The following DNER variants were observed in gnomAD, a reference collection of about 807,000 sequenced individuals.
The protein encoded by DNER is delta and Notch-like epidermal growth factor-related receptor.
A neutral mutation model predicts 78.2 loss-of-function variants in DNER; 33 were observed. That is an observed-to-expected ratio of 0.42 (90% confidence interval 0.32 to 0.56). The LOEUF is 0.56. Ranked by LOEUF, DNER falls within the 20% of genes least tolerant of loss-of-function variation. The pLI is 0.11. For missense variants in DNER, 918 were observed against 975.3 expected (o/e 0.94, Z 0.78); for synonymous variants, 417 against 384.8 (o/e 1.08, Z -0.98).
intron 4 of DNER, among the ~76,000 whole-genome samples, chr2:229,573,366 T>G (rs1182541216): frequency 2.0e-5 from 3 of 152,168 alleles, no homozygotes; most frequent in African/African-American, 4.8e-5. Flanking sequence ...TCCCAATTAT[T>G]TATATTCTTC....
At chr2:229,651,264 A>T (rs1051119232) in intron 1 of DNER, among the ~76,000 whole-genome samples, 1 of 152,218 alleles carries the variant, frequency 6.6e-6, no homozygotes, top group Non-Finnish European at 1.5e-5. Context: ...TTCTTGCTTC[A>T]ATTAATGAGA....
At chr2:229,503,286 C>T (rs1166261855) in intron 6 of DNER, among the ~76,000 whole-genome samples, 3 of 151,848 alleles carry the variant, frequency 2.0e-5, no homozygotes, top group African/African-American at 7.3e-5. Flanking sequence ...GCCTATGTAA[C>T]CTTACCCTAC....
chr2:229,705,282 A>G (rs1434362220), intron 1 of DNER, among the ~76,000 whole-genome samples: 1 of 152,234 alleles, frequency 6.6e-6, no homozygotes, highest in Non-Finnish European at 1.5e-5. Context: ...AGGACCAGAT[A>G]AGTACCAGTG....
intron 8 of DNER, among the ~76,000 whole-genome samples, 156 bp from the exon 9 acceptor site, chr2:229,418,386 G>C (rs1405492832): frequency 1.3e-5 from 2 of 152,202 alleles, no homozygotes; most frequent in Non-Finnish European, 2.9e-5. Flanking sequence ...AAAGTTGAAA[G>C]GTGGATTTGG....
chr2:229,587,926 A>G (rs1213370065), intron 3 of DNER, among the ~76,000 whole-genome samples: 1 of 152,234 alleles, frequency 6.6e-6, no homozygotes, highest in Non-Finnish European at 1.5e-5. Context: ...CTCTCTTTGT[A>G]CGCTTGCTTT....
chr2:229,464,328 C>T (rs1475132123), intron 7 of DNER, among the ~76,000 whole-genome samples: 2 of 152,002 alleles, frequency 1.3e-5, no homozygotes, highest in African/African-American at 4.8e-5. Flanking sequence ...TTAAGAAAAT[C>T]CATTTGAGAG....
chr2:229,588,414 C>T lies in DNER; in HGVS notation c.660G>A (p.Val220=), dbSNP rs2154214542. The T allele has an allele frequency of 6.3e-7, 1 of 1,597,926 alleles. No homozygotes were observed. Reference sequence around the variant, plus strand: ...CTTACTTGACTGAGGTGTTCTGTGGCACTTCAAAGGATACCAGGCGGCCAC... The same window carrying T: ...CTTACTTGACTGAGGTGTTCTGTGGTACTTCAAAGGATACCAGGCGGCCAC... ...SAGGRLVSFE[V]PQNTSVKIRQ... Residue 220 remains valine (V), a synonymous_variant, in exon 3 of 13, where the codon GTG becomes GTA. Transcript: ENST00000341772.
chr2:229,455,292 G>T (rs1350964512), intron 7 of DNER, among the ~76,000 whole-genome samples: 1 of 152,026 alleles, frequency 6.6e-6, no homozygotes, highest in African/African-American at 2.4e-5. Context: ...GTGACCTCAG[G>T]CTTAATCATT....
chr2:229,529,755 C>A lies in DNER; in HGVS notation c.994-16819G>T, dbSNP rs560472380. Among the ~76,000 whole-genome samples the A allele has an allele frequency of 3.9e-5, 6 of 152,298 alleles. No homozygotes were observed. The East Asian group carries it at 1.2e-3, about 29-fold the overall frequency. On this transcript the variant is annotated intron_variant, in intron 5 of 12. Coordinates refer to ENST00000341772, the MANE Select transcript of DNER (RefSeq NM_139072.4). ...AGGTGCAATGGCTCATGCCTGTAAT[C>A]CCAACACTCTGAGAAGCCAAGGCAG...
intron 6 of DNER, among the ~76,000 whole-genome samples, chr2:229,504,976 T>C (rs1695704436): frequency 6.6e-6 from 1 of 152,268 alleles, no homozygotes; most frequent in East Asian, 1.9e-4. Context: ...CCTAAGAACA[T>C]TGCATAGGAC....
At chr2:229,632,172 G>T (rs1455351163) in intron 1 of DNER, among the ~76,000 whole-genome samples, 1 of 152,152 alleles carries the variant, frequency 6.6e-6, no homozygotes, top group Non-Finnish European at 1.5e-5. Context: ...GTCAAACATT[G>T]TATCACTTCA....
At position 229,566,548 on chromosome 2, in the gene DNER, T is replaced by C. The variant is rs189194550; in HGVS notation, c.847+19310A>G. 2.5e-3 allele frequency among the ~76,000 whole-genome samples: 384 copies of C among 152,246 alleles called. 7 individuals are homozygous for C. The highest frequency in any genetic ancestry group is 3.4e-3 in the Middle Eastern group (1 of 294). ...CTGACTCAGCCTGGGTTATTTCTAGTTCATATTAGCATTTGCATCACGGGT... is the reference window on the plus strand; with the variant it reads ...CTGACTCAGCCTGGGTTATTTCTAGCTCATATTAGCATTTGCATCACGGGT... On this transcript the variant is annotated intron_variant, in intron 4 of 12. Transcript: ENST00000341772.
intron 1 of DNER, among the ~76,000 whole-genome samples, chr2:229,608,649 AT>A (rs1697985843): frequency 6.6e-6 from 1 of 152,196 alleles, no homozygotes; most frequent in Non-Finnish European, 1.5e-5. Flanking sequence ...TTATGCCTAT[AT>A]TGTAAAAATA....
At chr2:229,401,224 G>T (rs534119849) in intron 10 of DNER, among the ~76,000 whole-genome samples, 11 of 152,132 alleles carry the variant, frequency 7.2e-5, no homozygotes, top group Middle Eastern at 3.4e-3. Context: ...GACATCGTTG[G>T]TGGGGAATAT....
intron 1 of DNER, among the ~76,000 whole-genome samples, chr2:229,710,688 T>C (rs1191143898): frequency 2.0e-5 from 3 of 152,126 alleles, no homozygotes; most frequent in Non-Finnish European, 4.4e-5. Context: ...TTAGAGGACT[T>C]TCAGGGCAGT....
intron 5 of DNER, 152 bp downstream of exon 5, chr2:229,546,795 A>AG: frequency 1.7e-6 from 2 of 1,157,644 alleles, no homozygotes; most frequent in Non-Finnish European, 2.4e-6. Flanking sequence ...ACAGATAGAT[A>AG]GATAGATAGA....
intron 1 of DNER, among the ~76,000 whole-genome samples, chr2:229,694,527 C>T (rs1275584765): frequency 6.6e-6 from 1 of 152,194 alleles, no homozygotes; most frequent in African/African-American, 2.4e-5. Context: ...CAGAGTGGCC[C>T]AAGGCCATGG....
rs1397983668 is a variant in DNER at position 229,477,184 on chromosome 2, G to A, written c.1217C>T (p.Thr406Ile). ...CILDPCRNGA[T>I]CISSLSGFTC... ...GAATCCACTGAGACTGGAAATGCAT[G>A]TTGCTCCATTTCTGCATGGGTCTAG... Residue 406 changes from threonine to isoleucine, a missense_variant, in exon 7 of 13, where the codon ACA becomes ATA. Coordinates refer to ENST00000341772, the MANE Select transcript of DNER (RefSeq NM_139072.4). 1.2e-6 allele frequency: 2 copies of A among 1,613,858 alleles called. No individual in the cohort carries two copies. Among genetic ancestry groups the A allele is most frequent in the Admixed American group, 3.3e-5 (2 of 59,990 alleles).
intron 1 of DNER, among the ~76,000 whole-genome samples, chr2:229,688,577 C>T (rs1460349450): frequency 1.3e-5 from 2 of 152,170 alleles, no homozygotes; most frequent in African/African-American, 2.4e-5. Flanking sequence ...GCCCTCTAGG[C>T]AGCAGGGTGA....
Sources: gnomAD v4.1 joint callset for allele counts (sites outside exome capture counted in the v4.1 genomes callset) on GRCh38, gnomAD v4.1.1 for gene constraint, MANE v1.5 for transcripts, NCBI Gene and HGNC (gene_info 2026-07-23, HGNC 2026-07-21) for gene names.